Variants in TMEM132D observed in about 807,000 individuals in gnomAD.
TMEM132D encodes the protein transmembrane protein 132D.
Under a neutral mutation model 62.3 loss-of-function variants are expected in TMEM132D, and 21 were observed. The observed-to-expected ratio is 0.34, with a 90% CI of 0.24 to 0.49. TMEM132D has a LOEUF of 0.49. Ranked by LOEUF, TMEM132D falls within the 20% of genes least tolerant of loss-of-function variation. The probability of loss-of-function intolerance (pLI) is 0.99; values close to 1 mark genes in which losing one functional copy is unlikely to be tolerated. For missense variants in TMEM132D, 1,346 were observed against 1,402.8 expected (o/e 0.96, Z 0.65); for synonymous variants, 621 against 575.6 (o/e 1.08, Z -1.13).
chr12:129,410,274 A>G (rs137980590), intron 3 of TMEM132D, among the ~76,000 whole-genome samples: 1 of 152,338 alleles, frequency 6.6e-6, no homozygotes, highest in Admixed American at 6.5e-5. Context: ...GGCATGCAAC[A>G]TTAGTGTATT....
At chr12:129,692,442 G>A (rs1329909462) in intron 2 of TMEM132D, among the ~76,000 whole-genome samples, 3 of 151,354 alleles carry the variant, frequency 2.0e-5, no homozygotes, top group Non-Finnish European at 4.4e-5. Context: ...CTGCACATTA[G>A]ATCTTTGTCA....
chr12:129,269,335 AG>A (rs1414085309), intron 4 of TMEM132D, among the ~76,000 whole-genome samples: 2 of 137,650 alleles, frequency 1.5e-5, no homozygotes, highest in Admixed American at 1.7e-4. Flanking sequence ...TTTTTTGCAC[AG>A]TACTTTTTCT....
At chr12:129,381,084 C>T (rs1870939590) in intron 3 of TMEM132D, among the ~76,000 whole-genome samples, 2 of 152,240 alleles carry the variant, frequency 1.3e-5, no homozygotes, top group African/African-American at 4.8e-5. Context: ...ACAAATCATT[C>T]CAGTCATTTG....
intron 1 of TMEM132D, among the ~76,000 whole-genome samples, chr12:129,762,050 C>T (rs965156606): frequency 1.3e-5 from 2 of 152,126 alleles, no homozygotes; most frequent in African/African-American, 4.8e-5. Context: ...AAAGATGAGA[C>T]ATGAAGAAGA....
intron 5 of TMEM132D, among the ~76,000 whole-genome samples, chr12:129,164,784 C>T (rs1877492361): frequency 6.6e-6 from 1 of 152,188 alleles, no homozygotes; most frequent in Non-Finnish European, 1.5e-5. Context: ...TCAATTACCT[C>T]CACCTGGTAT....
chr12:129,547,393 G>A (rs1275853403), intron 2 of TMEM132D, among the ~76,000 whole-genome samples: 2 of 152,170 alleles, frequency 1.3e-5, no homozygotes, highest in South Asian at 2.1e-4. Context: ...AGTGAGCCAC[G>A]GTGCCTGGCC....
chr12:129,482,444 A>G (rs890964049), intron 3 of TMEM132D, among the ~76,000 whole-genome samples: 1 of 152,236 alleles, frequency 6.6e-6, no homozygotes. Context: ...TTTTGTAACA[A>G]TATGTTTAAA....
chr12:129,295,312 A>G (rs1205918355), intron 4 of TMEM132D, among the ~76,000 whole-genome samples: 2 of 151,934 alleles, frequency 1.3e-5, no homozygotes, highest in Non-Finnish European at 2.9e-5. Flanking sequence ...GCTACACACT[A>G]TGGAACACTG....
intron 5 of TMEM132D, among the ~76,000 whole-genome samples, chr12:129,106,468 A>G (rs930105172): frequency 6.6e-6 from 1 of 152,320 alleles, no homozygotes; most frequent in East Asian, 1.9e-4. Context: ...CTATCAAAAA[A>G]AAGTTAAAAA....
At chr12:129,500,701 GAGAA>G (rs1187152138) in intron 3 of TMEM132D, among the ~76,000 whole-genome samples, 5 of 152,188 alleles carry the variant, frequency 3.3e-5, no homozygotes, top group African/African-American at 9.7e-5. Context: ...AATGGAAAAA[GAGAA>G]AGAAAGTGTC....
intron 5 of TMEM132D, among the ~76,000 whole-genome samples, chr12:129,202,121 G>A (rs533976440): frequency 6.6e-6 from 1 of 152,328 alleles, no homozygotes; most frequent in African/African-American, 2.4e-5. Flanking sequence ...CCTGAGAGGA[G>A]GTTTTGATGT....
At chr12:129,348,971 G>A (rs79912415) in intron 3 of TMEM132D, among the ~76,000 whole-genome samples, 6,905 of 152,240 alleles carry the variant, frequency 0.045, 525 homozygotes, top group African/African-American at 0.16. Context: ...TTCACCCATT[G>A]TAATGGGCCT....
At chr12:129,204,891 A>C (rs1009413130) in intron 5 of TMEM132D, among the ~76,000 whole-genome samples, 1 of 152,206 alleles carries the variant, frequency 6.6e-6, no homozygotes, top group African/African-American at 2.4e-5. Flanking sequence ...ATAAAGAAAA[A>C]AATTTCCAAC....
intron 3 of TMEM132D, among the ~76,000 whole-genome samples, chr12:129,465,978 T>C (rs1484829852): frequency 6.6e-6 from 1 of 152,200 alleles, no homozygotes; most frequent in Non-Finnish European, 1.5e-5. Context: ...CCATTGCACC[T>C]GGCCCTCATT....
chr12:129,125,375 C>T (rs1876182358), intron 5 of TMEM132D, among the ~76,000 whole-genome samples: 1 of 152,080 alleles, frequency 6.6e-6, no homozygotes, highest in Non-Finnish European at 1.5e-5. Flanking sequence ...ACACAATTCC[C>T]CTAGCTTGAA....
chr12:129,555,451 G>A (rs912260548), intron 2 of TMEM132D, among the ~76,000 whole-genome samples: 17 of 152,228 alleles, frequency 1.1e-4, no homozygotes, highest in African/African-American at 3.9e-4. Context: ...AAAAAATGTC[G>A]GCCTTATTAA....
chr12:129,663,313 T>C (rs1880290942), intron 2 of TMEM132D, among the ~76,000 whole-genome samples: 1 of 152,204 alleles, frequency 6.6e-6, no homozygotes, highest in Non-Finnish European at 1.5e-5. Flanking sequence ...TAATTTTGTA[T>C]TTTTAGTAGA....
At chr12:129,174,073 A>G (rs1877825852) in intron 5 of TMEM132D, among the ~76,000 whole-genome samples, 1 of 152,218 alleles carries the variant, frequency 6.6e-6, no homozygotes, top group Non-Finnish European at 1.5e-5. Context: ...CATAATAATT[A>G]GGGCATCTGA....
At chr12:129,227,594 A>AT (rs1566004093) in intron 4 of TMEM132D, among the ~76,000 whole-genome samples, 5 of 148,686 alleles carry the variant, frequency 3.4e-5, no homozygotes, top group African/African-American at 9.8e-5. Context: ...TTTATTTTTT[A>AT]ATATATATAT....
Sources: gnomAD v4.1 joint callset for allele counts (sites outside exome capture counted in the v4.1 genomes callset) on GRCh38, gnomAD v4.1.1 for gene constraint, MANE v1.5 for transcripts, NCBI Gene and HGNC (gene_info 2026-07-23, HGNC 2026-07-21) for gene names.